Variants in LHFPL3 observed in about 807,000 individuals in gnomAD.
LHFPL3 encodes LHFPL tetraspan subfamily member 3 protein.
A neutral mutation model predicts 19.3 loss-of-function variants in LHFPL3; 5 were observed. That is an observed-to-expected ratio of 0.26 (90% CI 0.14 to 0.54). The LOEUF is 0.54. Ranked by LOEUF, LHFPL3 falls within the 20% of genes least tolerant of loss-of-function variation. The pLI, the probability that LHFPL3 is intolerant of heterozygous loss-of-function variation, is 0.94. For synonymous variants in LHFPL3, 133 were observed against 126.2 expected (o/e 1.05, Z -0.36); for missense variants, 249 against 307.4 (o/e 0.81, Z 1.42).
chr7:104,760,730 C>T (rs944927542), intron 2 of LHFPL3, among the ~76,000 whole-genome samples: 1 of 152,118 alleles, frequency 6.6e-6, no homozygotes, highest in South Asian at 2.1e-4. Context: ...AAGAAGTGAG[C>T]AATTATTTGC....
At chr7:104,635,987 C>T (rs1385169133) in intron 1 of LHFPL3, among the ~76,000 whole-genome samples, 1 of 152,084 alleles carries the variant, frequency 6.6e-6, no homozygotes, top group Non-Finnish European at 1.5e-5. Context: ...GGTGCCCTCC[C>T]TTTAAAGAAA....
At chr7:104,834,772 A>G (rs774548895) in intron 2 of LHFPL3, among the ~76,000 whole-genome samples, 1 of 151,912 alleles carries the variant, frequency 6.6e-6, no homozygotes, top group Admixed American at 6.5e-5. Flanking sequence ...CTTCAGCTTC[A>G]TGATGGTTTC....
intron 1 of LHFPL3, among the ~76,000 whole-genome samples, chr7:104,614,924 A>C (rs1791303067): frequency 6.6e-6 from 1 of 151,362 alleles, no homozygotes; most frequent in Admixed American, 6.6e-5. Context: ...CTAATTTTTA[A>C]AAATTTTTTC....
chr7:104,353,112 C>T (rs1465103248), intron 1 of LHFPL3, among the ~76,000 whole-genome samples: 1 of 152,156 alleles, frequency 6.6e-6, no homozygotes, highest in African/African-American at 2.4e-5. Context: ...AGCACTAAAG[C>T]CCCGACATGT....
At chr7:104,560,875 T>A (rs1207469744) in intron 1 of LHFPL3, among the ~76,000 whole-genome samples, 2 of 150,544 alleles carry the variant, frequency 1.3e-5, no homozygotes, top group Non-Finnish European at 2.9e-5. Context: ...GATTCTGGTA[T>A]GTTGTGTCTT....
intron 1 of LHFPL3, among the ~76,000 whole-genome samples, chr7:104,727,559 T>G (rs1413382454): frequency 6.6e-6 from 1 of 152,196 alleles, no homozygotes; most frequent in Non-Finnish European, 1.5e-5. Context: ...ATGTAAAAAG[T>G]AACCCGGACC....
intron 1 of LHFPL3, among the ~76,000 whole-genome samples, chr7:104,590,576 GA>G (rs1230847149): frequency 1.3e-5 from 2 of 152,170 alleles, no homozygotes; most frequent in African/African-American, 4.8e-5. Flanking sequence ...GTGCTGAGAA[GA>G]ATGTATATTC....
At chr7:104,572,249 C>T (rs368233701) in intron 1 of LHFPL3, among the ~76,000 whole-genome samples, 2 of 151,828 alleles carry the variant, frequency 1.3e-5, no homozygotes, top group Admixed American at 6.5e-5. Flanking sequence ...TTGCACCAAC[C>T]TAATATATTT....
At chr7:104,708,085 G>T (rs1793225374) in intron 1 of LHFPL3, among the ~76,000 whole-genome samples, 2 of 152,202 alleles carry the variant, frequency 1.3e-5, no homozygotes, top group South Asian at 4.1e-4. Context: ...TGCTTTCAAA[G>T]GCCAGCTTGT....
chr7:104,417,875 C>T (rs1462115654), intron 1 of LHFPL3, among the ~76,000 whole-genome samples: 14 of 123,552 alleles, frequency 1.1e-4, no homozygotes, highest in African/African-American at 4.1e-4. Context: ...TCTTCTTCTT[C>T]TTCTTCTTCT....
At chr7:104,905,066 C>T (rs1336966289) in intron 2 of LHFPL3, among the ~76,000 whole-genome samples, 2 of 152,044 alleles carry the variant, frequency 1.3e-5, no homozygotes, top group Non-Finnish European at 2.9e-5. Context: ...AGCGATCCTC[C>T]CACGTCAGCC....
rs368816504 is a variant in LHFPL3, at chr7:104,576,774, G to T, written c.446-159901G>T. On this transcript the variant is annotated intron_variant, in intron 1 of 2. Coordinates refer to ENST00000424859, the MANE Select transcript of LHFPL3 (RefSeq NM_199000.3). ...TACAGGTCTCTCAAGAAACAAACAAGTTATGGCTATAAACAAATCCTGGGA... is the reference window on the plus strand; with the variant it reads ...TACAGGTCTCTCAAGAAACAAACAATTTATGGCTATAAACAAATCCTGGGA... Among the ~76,000 whole-genome samples the T allele has an allele frequency of 9.2e-5, 14 of 152,194 alleles. 1 individual carries two copies. The East Asian group carries it at 1.5e-3, about 17-fold the overall frequency.
intron 1 of LHFPL3, among the ~76,000 whole-genome samples, chr7:104,339,430 A>G (rs1789903774): frequency 6.6e-6 from 1 of 152,188 alleles, no homozygotes; most frequent in Non-Finnish European, 1.5e-5. Context: ...CATAGAGACA[A>G]TAGGTGGTTT....
intron 1 of LHFPL3, among the ~76,000 whole-genome samples, chr7:104,652,469 T>C (rs1285186640): frequency 6.6e-6 from 1 of 152,220 alleles, no homozygotes; most frequent in Non-Finnish European, 1.5e-5. Flanking sequence ...TTTTGATATC[T>C]GTATAGAAGG....
intron 1 of LHFPL3, among the ~76,000 whole-genome samples, chr7:104,534,727 A>G (rs1794362733): frequency 6.6e-6 from 1 of 152,206 alleles, no homozygotes; most frequent in Non-Finnish European, 1.5e-5. Context: ...TAAAGTATTT[A>G]TAGATTGCTT....
intron 1 of LHFPL3, among the ~76,000 whole-genome samples, chr7:104,330,393 T>G (rs924618361): frequency 2.0e-5 from 3 of 152,214 alleles, no homozygotes; most frequent in African/African-American, 7.2e-5. Flanking sequence ...TTTCAAGATT[T>G]TGTCGTTTAT....
chr7:104,578,783 A>T (rs1790398024), intron 1 of LHFPL3, among the ~76,000 whole-genome samples: 1 of 152,216 alleles, frequency 6.6e-6, no homozygotes, highest in African/African-American at 2.4e-5. Context: ...GAAAATAGTT[A>T]GAATTGATAG....
chr7:104,350,405 G>A (rs1025431628), intron 1 of LHFPL3, among the ~76,000 whole-genome samples: 1 of 152,176 alleles, frequency 6.6e-6, no homozygotes, highest in African/African-American at 2.4e-5. Context: ...TGTAACTACT[G>A]TGCTCAACTG....
chr7:104,741,535 A>AT (rs1212094988), intron 2 of LHFPL3, among the ~76,000 whole-genome samples: 144 of 141,456 alleles, frequency 1.0e-3, no homozygotes, highest in South Asian at 2.5e-3. Flanking sequence ...AACTAACTTA[A>AT]TTTTTTTTTT....
Sources: gnomAD v4.1 joint callset for allele counts (sites outside exome capture counted in the v4.1 genomes callset) on GRCh38, gnomAD v4.1.1 for gene constraint, MANE v1.5 for transcripts, NCBI Gene and HGNC (gene_info 2026-07-23, HGNC 2026-07-21) for gene names.